The following KMT2C variants were observed in gnomAD, a reference collection of about 807,000 sequenced individuals.
KMT2C encodes the protein histone-lysine N-methyltransferase 2C.
Under a neutral mutation model 507.9 loss-of-function variants are expected in KMT2C, and 88 were observed. The ratio of observed to expected loss-of-function variants is 0.17; its 90% CI spans 0.15 to 0.21. The LOEUF (loss-of-function observed/expected upper bound fraction) is 0.21, where lower values mean the gene tolerates loss of function less well. KMT2C is among the 10% of genes least tolerant of loss of function. KMT2C has a pLI of 1.00. For synonymous variants in KMT2C, 2,049 were observed against 2,080.8 expected (o/e 0.98, Z 0.42); for missense variants, 4,954 against 5,957.8 (o/e 0.83, Z 5.55).
chr7:152,275,806 C>T (rs555623638), intron 6 of KMT2C, among the ~76,000 whole-genome samples: 1 of 152,260 alleles, frequency 6.6e-6, no homozygotes, highest in East Asian at 1.9e-4. Context: ...TTTATAACAA[C>T]TCATTAACAT....
At chr7:152,183,533 G>A (rs767419995) in intron 34 of KMT2C, among the ~76,000 whole-genome samples, 10 of 151,742 alleles carry the variant, frequency 6.6e-5, no homozygotes, top group African/African-American at 2.2e-4. Context: ...AGGCCAAGGC[G>A]GGTGGATCAC....
intron 58 of KMT2C, chr7:152,137,148 G>T (rs1016589390): frequency 8.2e-6 from 4 of 489,508 alleles, no homozygotes; most frequent in Non-Finnish European, 1.5e-5. Flanking sequence ...CGAGATCTGA[G>T]AACGGGAGCC....
In KMT2C at chr7:152,162,496, G is replaced by C; in HGVS notation, c.11081C>G (p.Pro3694Arg). Reference sequence around the variant, plus strand: ...TGAATTTGCATACGTCTGTTGATTTGGAGTTGCTTGTGAGAAATCACTATT... The same window carrying C: ...TGAATTTGCATACGTCTGTTGATTTCGAGTTGCTTGTGAGAAATCACTATT... The part of the protein sequence containing the change: ...LPNSDFSQAT[P>R]NQQTYANSEV... The change falls in exon 43 of 59, where the codon CCA becomes CGA. Residue 3694 changes from proline to arginine, a missense_variant. Around this residue, in one of 29 missense-constraint regions of KMT2C, gnomAD observed 801 missense variants for 751.2 expected, o/e 1.07. Transcript: ENST00000262189. The C allele has an allele frequency of 6.2e-7, 1 of 1,614,222 alleles. No individual in the cohort carries two copies. The highest frequency in any genetic ancestry group is 8.5e-7 in the Non-Finnish European group (1 of 1,180,040).
At chr7:152,343,772 G>A (rs973163426) in intron 2 of KMT2C, among the ~76,000 whole-genome samples, 7 of 152,128 alleles carry the variant, frequency 4.6e-5, no homozygotes, top group Non-Finnish European at 7.4e-5. Context: ...CATGTTGAGA[G>A]AAAGAAAACA....
intron 1 of KMT2C, among the ~76,000 whole-genome samples, chr7:152,409,026 T>C (rs1310327716): frequency 6.6e-6 from 1 of 151,910 alleles, no homozygotes; most frequent in Non-Finnish European, 1.5e-5. Flanking sequence ...TTCCCTCTGT[T>C]ACCCAGGCTT....
chr7:152,367,438 GAA>G, intron 1 of KMT2C: 1 of 722,826 alleles, frequency 1.4e-6, no homozygotes, highest in Non-Finnish European at 2.4e-6. Flanking sequence ...GGCTGGTCTG[GAA>G]CTCCTGAGCT....
At chr7:152,214,542 T>C (rs1176152708) in intron 23 of KMT2C, among the ~76,000 whole-genome samples, 2 of 152,104 alleles carry the variant, frequency 1.3e-5, no homozygotes, top group African/African-American at 4.8e-5. Flanking sequence ...AGTTTTGTCA[T>C]ACTTTTTTCC....
At position 152,152,697 on chromosome 7, in the gene KMT2C, T is replaced by C; in HGVS notation, c.12526+8A>G. 1 of 1,613,064 alleles carries C rather than the reference T, an allele frequency of 6.2e-7. No individual in the cohort carries two copies. The highest frequency in any genetic ancestry group is 8.5e-7 in the Non-Finnish European group (1 of 1,179,050). On this transcript the variant is annotated splice_region_variant and intron_variant, in intron 49 of 58. Transcript: ENST00000262189. ...GATTTGGGGTTAACAAAAAGCTCAC[T>C]AGCTCACCATTGCTTGTTGGAGGAA...
At chr7:152,367,938 G>T in intron 1 of KMT2C, 1 of 968,586 alleles carries the variant, frequency 1.0e-6, no homozygotes, top group South Asian at 1.3e-5. Flanking sequence ...TGCCAAAGCA[G>T]ACACACTTAT....
chr7:152,259,370 G>C (rs2095716550), intron 9 of KMT2C, among the ~76,000 whole-genome samples: 1 of 149,748 alleles, frequency 6.7e-6, no homozygotes, highest in Non-Finnish European at 1.5e-5. Flanking sequence ...TGGTAAAAAG[G>C]CACAACGTAT....
In KMT2C at chr7:152,144,698, A is replaced by C; in HGVS notation, c.14343+15T>G. 6.2e-7 allele frequency: 1 copy of C among 1,610,070 alleles called. No individual in the cohort carries two copies. Among genetic ancestry groups the C allele is most frequent in the Non-Finnish European group, 8.5e-7 (1 of 1,176,930 alleles). On this transcript the variant is annotated intron_variant, in intron 55 of 58. Transcript: ENST00000262189. The surrounding 1 kb of genome is among the most constrained non-coding windows in gnomAD (Gnocchi z 4.4). The stretch of plus-strand genomic sequence containing the variant: ...CCCTGTCTCTCCACTTCCTGTACAC[A>C]AAGTATTTCTTCACCTGAATCCGAG...
Position 152,177,985 on chromosome 7 carries a change from C to T in KMT2C, c.7468G>A (p.Gly2490Ser), listed in dbSNP as rs1427583110. ...FRFGFPGGSH[G>S]TMPSQERFLV... ...AAGCGCTCTTGACTCGGCATGGTAC[C>T]ATGACTACCTCCTGGAAATCCAAAT... The change falls in exon 38 of 59, where the codon GGT becomes AGT. Residue 2490 changes from glycine (G) to serine (S), a missense_variant. Physicochemically the swap from Gly to Ser is moderately conservative, Grantham distance 56 (BLOSUM62 0). Around this residue, in one of 29 missense-constraint regions of KMT2C, gnomAD observed 1,689 missense variants for 1,654.3 expected, o/e 1.02. Transcript: ENST00000262189. 7.0e-5 allele frequency: 81 copies of T among 1,161,294 alleles called. No homozygotes were observed. Among genetic ancestry groups the T allele is most frequent in the Non-Finnish European group, 9.0e-5 (81 of 900,928 alleles). 71.9% of individuals were successfully genotyped at this position (1,161,294 alleles called of 1,614,324 possible).
intron 2 of KMT2C, among the ~76,000 whole-genome samples, chr7:152,331,296 C>T (rs1031345333): frequency 6.6e-6 from 1 of 151,444 alleles, no homozygotes; most frequent in African/African-American, 2.4e-5. Flanking sequence ...GGTGACAAAG[C>T]CAGACCCTGT....
intron 14 of KMT2C, among the ~76,000 whole-genome samples, chr7:152,244,995 C>T (rs2095446230): frequency 1.3e-5 from 2 of 152,206 alleles, no homozygotes; most frequent in African/African-American, 4.8e-5. Context: ...TGTCCAATAC[C>T]TGAGATATAA....
intron 6 of KMT2C, among the ~76,000 whole-genome samples, chr7:152,296,997 A>AAAGAAAGAAAGAAAGAAAGAAAG (rs2096505748): frequency 2.5e-4 from 15 of 58,942 alleles, no homozygotes; most frequent in African/African-American, 8.2e-4. Flanking sequence ...GAAAGAAAGA[A>AAAGAAAGAAAGAAAGAAAGAAAG]AAAGAAAGAA....
At position 152,158,522 on chromosome 7, in the gene KMT2C, G is replaced by GT. The variant is rs1393260345; in HGVS notation, c.11670+340dup. Among the ~76,000 whole-genome samples the GT allele has an allele frequency of 8.9e-3, 1,214 of 137,034 alleles. 17 individuals carry two copies. Among genetic ancestry groups the GT allele is most frequent in the East Asian group, 0.026 (123 of 4,802 alleles). The allele number at this position is 137,034 out of a possible 152,430, so 89.9% of individuals were successfully genotyped here. On this transcript the variant is annotated intron_variant, in intron 44 of 58. Coordinates refer to ENST00000262189, the MANE Select transcript of KMT2C (RefSeq NM_170606.3). Reference sequence around the variant, plus strand: ...TCCTTGAATTGTTTGTTTTTTTTTTGTTTTTTTTTTTGAGACACAGTCTCA... The same window carrying GT: ...TCCTTGAATTGTTTGTTTTTTTTTTGTTTTTTTTTTTTGAGACACAGTCTCA...
chr7:152,233,869 G>A (rs1020293904), intron 16 of KMT2C, among the ~76,000 whole-genome samples: 2 of 152,210 alleles, frequency 1.3e-5, no homozygotes, highest in African/African-American at 4.8e-5. Flanking sequence ...CACAGGCTGG[G>A]CACTGGTGGC....
chr7:152,380,778 A>C (rs574351492), intron 1 of KMT2C, among the ~76,000 whole-genome samples: 1 of 142,262 alleles, frequency 7.0e-6, no homozygotes, highest in South Asian at 2.2e-4. Flanking sequence ...AGACTGGAAA[A>C]TGGGAAAAAG....
At chr7:152,259,458 A>G (rs866146364) in intron 9 of KMT2C, among the ~76,000 whole-genome samples, 173 of 141,816 alleles carry the variant, frequency 1.2e-3, no homozygotes, top group African/African-American at 4.5e-3. Context: ...ACACACACAC[A>G]CACACACACA....
Sources: gnomAD v4.1 joint callset for allele counts (sites outside exome capture counted in the v4.1 genomes callset) on GRCh38, gnomAD v4.1.1 for gene constraint, gnomAD v4.1.1 regional missense constraint, Gnocchi (gnomAD v3.1) non-coding constraint, MANE v1.5 for transcripts, NCBI Gene and HGNC (gene_info 2026-07-23, HGNC 2026-07-21) for gene names.